VNN1: variants seen among roughly 807,000 people sequenced by gnomAD.
VNN1 encodes vanin 1, also known as pantetheinase.
Under a neutral mutation model 41.9 loss-of-function variants are expected in VNN1, and 29 were observed. That is an observed-to-expected ratio of 0.69 (90% confidence interval 0.52 to 0.94). The LOEUF is 0.94. Ranked by LOEUF, VNN1 falls within the 40% of genes least tolerant of loss-of-function variation. The pLI, the probability that VNN1 is intolerant of heterozygous loss-of-function variation, is 0.00. For missense variants in VNN1, 637 were observed against 621.1 expected (o/e 1.03, Z -0.27); for synonymous variants, 233 against 224.4 (o/e 1.04, Z -0.34).
At chr6:132,687,136 G>T (rs1047425158) in intron 5 of VNN1, among the ~76,000 whole-genome samples, 5 of 152,124 alleles carry the variant, frequency 3.3e-5, no homozygotes, top group Non-Finnish European at 5.9e-5. Flanking sequence ...TGCATTCTGG[G>T]GAAGGTGTGG....
chr6:132,714,027 A>G lies in VNN1; in HGVS notation c.9T>C (p.Thr3=). 1 of 1,612,382 alleles carries G rather than the reference A, an allele frequency of 6.2e-7. No homozygotes were observed. Among genetic ancestry groups the G allele is most frequent in the Non-Finnish European group, 8.5e-7 (1 of 1,179,098 alleles). MT[T]QLPAYVAILL... is the part of the protein sequence containing the mutation. ...AAATTGCCACGTAAGCTGGCAACTG[A>G]GTAGTCATGCTGAAGTCCAATGAGT... The change falls in exon 1 of 7, where the codon ACT becomes ACC. Residue 3 remains threonine (T), a synonymous_variant. Coordinates refer to ENST00000367928, the MANE Select transcript of VNN1 (RefSeq NM_004666.3).
chr6:132,696,922 G>C (rs971368115), intron 2 of VNN1, among the ~76,000 whole-genome samples: 1 of 151,920 alleles, frequency 6.6e-6, no homozygotes, highest in Admixed American at 6.6e-5. Flanking sequence ...TGGCTAACAC[G>C]GTGAAACCCC....
intron 5 of VNN1, among the ~76,000 whole-genome samples, chr6:132,685,813 C>G (rs533475617): frequency 1.3e-4 from 20 of 152,288 alleles, no homozygotes; most frequent in African/African-American, 4.8e-4. Flanking sequence ...ACTGATCCTC[C>G]CCTACTCCAG....
chr6:132,696,031 C>A (rs553344195), intron 2 of VNN1, among the ~76,000 whole-genome samples: 18 of 152,224 alleles, frequency 1.2e-4, no homozygotes, highest in Non-Finnish European at 1.9e-4. Flanking sequence ...GACCACATGA[C>A]AGACCTACTA....
chr6:132,692,560 G>A lies in VNN1; in HGVS notation c.851C>T (p.Ser284Phe), dbSNP rs745491121. 23 of 1,593,838 alleles carry A rather than the reference G, an allele frequency of 1.4e-5. No homozygotes were observed. The highest frequency in any genetic ancestry group is 1.7e-6 in the Non-Finnish European group (2 of 1,174,940). Residue 284 changes from serine (S) to phenylalanine (F), a missense_variant, in exon 5 of 7, where the codon TCT (serine) becomes TTT (phenylalanine). Transcript: ENST00000367928. The part of the protein sequence containing the change: ...MTGSGIYAPN[S>F]SRAFHYDMKT... ...CATATCATAATGAAATGCTCTTGAA[G>A]AATTGGGTGCATAGATGCCACTTCC... is the stretch of plus-strand genomic sequence containing the variant.
intron 2 of VNN1, among the ~76,000 whole-genome samples, chr6:132,700,465 C>G (rs1288015583): frequency 6.6e-6 from 1 of 152,168 alleles, no homozygotes; most frequent in African/African-American, 2.4e-5. Flanking sequence ...TGTGGCCACT[C>G]CTGGGACAGA....
At chr6:132,708,698 C>T (rs1460013270) in intron 2 of VNN1, among the ~76,000 whole-genome samples, 2 of 152,204 alleles carry the variant, frequency 1.3e-5, no homozygotes, top group African/African-American at 4.8e-5. Flanking sequence ...CTGTCCACTT[C>T]TCAATACCTA....
At chr6:132,705,247 G>A (rs1204440533) in intron 2 of VNN1, among the ~76,000 whole-genome samples, 1 of 152,058 alleles carries the variant, frequency 6.6e-6, no homozygotes, top group Non-Finnish European at 1.5e-5. Flanking sequence ...CAACATCCCT[G>A]ATGAACATTG....
intron 1 of VNN1, 75 bp from the exon 2 acceptor site, chr6:132,711,914 A>G (rs1396860701): frequency 2.7e-5 from 42 of 1,527,510 alleles, no homozygotes; most frequent in Non-Finnish European, 3.5e-6. Flanking sequence ...AGTAACAACT[A>G]TTTGGGCTTC....
chr6:132,688,725 A>G (rs992900638), intron 5 of VNN1, among the ~76,000 whole-genome samples: 54 of 152,216 alleles, frequency 3.5e-4, no homozygotes, highest in African/African-American at 1.3e-3. Context: ...ATATGTTAAT[A>G]TAACATATGG....
At chr6:132,683,430 A>C in intron 6 of VNN1, 108 bp from the exon 7 acceptor site, 94 of 1,127,330 alleles carry the variant, frequency 8.3e-5, no homozygotes, top group Middle Eastern at 2.1e-4. Flanking sequence ...TACTGGCCAA[A>C]TTCCATTCTA....
At chr6:132,692,681 T>A (rs1778310660) in intron 4 of VNN1, 97 bp from the exon 5 acceptor site, 7 of 1,404,698 alleles carry the variant, frequency 5.0e-6, no homozygotes, top group African/African-American at 1.4e-5. Flanking sequence ...CACATTTTAC[T>A]CTCTCTAAGT....
At chr6:132,705,003 G>C (rs1473669912) in intron 2 of VNN1, among the ~76,000 whole-genome samples, 2 of 151,818 alleles carry the variant, frequency 1.3e-5, no homozygotes, top group Non-Finnish European at 2.9e-5. Context: ...AACCTGAATA[G>C]ACAGATAACA....
chr6:132,683,093 A>T lies in VNN1; in HGVS notation c.*47T>A, dbSNP rs752958845. ...CGGACCAATCTTTCTTTTCTCATCC[A>T]TCATTTTTTAAATTATCCCAAATAA... On this transcript the variant is annotated 3_prime_UTR_variant, in exon 7 of 7. Coordinates refer to ENST00000367928, the MANE Select transcript of VNN1 (RefSeq NM_004666.3). The T allele has an allele frequency of 2.0e-6, 3 of 1,533,554 alleles. No homozygotes were observed. The highest frequency in any genetic ancestry group is 2.6e-6 in the Non-Finnish European group (3 of 1,134,258). 95.0% of individuals were successfully genotyped at this position (1,533,554 alleles called of 1,614,324 possible).
intron 6 of VNN1, among the ~76,000 whole-genome samples, chr6:132,683,712 G>T (rs1428485042): frequency 6.6e-6 from 1 of 152,104 alleles, no homozygotes; most frequent in Non-Finnish European, 1.5e-5. Flanking sequence ...CCTGTCTCTT[G>T]CTCACCACAA....
chr6:132,685,148 A>G (rs1582766485), intron 5 of VNN1, among the ~76,000 whole-genome samples: 1 of 152,356 alleles, frequency 6.6e-6, no homozygotes, highest in East Asian at 1.9e-4. Context: ...TGGAAAAGTC[A>G]TATCCTCTAT....
chr6:132,707,037 G>T (rs1778528496), intron 2 of VNN1, among the ~76,000 whole-genome samples: 1 of 151,692 alleles, frequency 6.6e-6, no homozygotes, highest in African/African-American at 2.4e-5. Flanking sequence ...GATCAGCCTG[G>T]ACAACATGGT....
At chr6:132,702,360 T>C (rs1778459052) in intron 2 of VNN1, among the ~76,000 whole-genome samples, 1 of 152,204 alleles carries the variant, frequency 6.6e-6, no homozygotes, top group South Asian at 2.1e-4. Flanking sequence ...CCAGAAAGCA[T>C]ACTCCACCCT....
intron 6 of VNN1, 149 bp from the exon 7 acceptor site, chr6:132,683,471 A>G: frequency 1.2e-6 from 1 of 822,512 alleles, no homozygotes; most frequent in Non-Finnish European, 1.9e-6. Flanking sequence ...GCCAAGTACA[A>G]GAAAAATTGG....
Sources: allele counts gnomAD v4.1 joint callset (sites outside exome capture counted in the v4.1 genomes callset), GRCh38; gene constraint gnomAD v4.1.1; transcripts MANE v1.5; gene names NCBI Gene and HGNC (gene_info 2026-07-23, HGNC 2026-07-21).